UPP2: variants seen among roughly 807,000 people sequenced by gnomAD.
UPP2 encodes UPase 2.
A neutral mutation model predicts 26.7 loss-of-function variants in UPP2; 23 were observed. That is an observed-to-expected ratio of 0.86 (90% CI 0.62 to 1.22). The LOEUF is 1.22. Among genes scored for constraint, UPP2 ranks in the 50% most tolerant of loss-of-function variants. UPP2 has a pLI of 0.00. For synonymous variants in UPP2, 127 were observed against 141.3 expected (o/e 0.90, Z 0.72); for missense variants, 387 against 396.7 (o/e 0.98, Z 0.21).
intron 6 of UPP2, chr2:158,126,408 G>C (rs1039293371): frequency 2.6e-5 from 4 of 152,172 alleles, no homozygotes; most frequent in African/African-American, 9.7e-5. Context: ...AGTTGCATCT[G>C]CAGCTCTGTA....
chr2:158,051,157 A>ATGTGTGTGTGTGTGTGTGTGTG (rs57745839), intron 3 of UPP2, among the ~76,000 whole-genome samples: 3 of 144,986 alleles, frequency 2.1e-5, no homozygotes, highest in Non-Finnish European at 3.0e-5. Flanking sequence ...CTCTAGGAAT[A>ATGTGTGTGTGTGTGTGTGTGTG]TGTGTGTGTG....
intron 2 of UPP2, among the ~76,000 whole-genome samples, chr2:158,006,119 A>G (rs1319702132): frequency 6.6e-6 from 1 of 152,198 alleles, no homozygotes; most frequent in African/African-American, 2.4e-5. Flanking sequence ...ACACCATTTT[A>G]TGGCTAATAA....
intron 3 of UPP2, among the ~76,000 whole-genome samples, chr2:158,076,190 A>G (rs74493219): frequency 2.0e-5 from 3 of 152,022 alleles, no homozygotes; most frequent in Non-Finnish European, 4.4e-5. Context: ...AATTATCCCA[A>G]TAAAGAAAAG....
chr2:158,086,125 CT>C (rs1558925932), intron 3 of UPP2, among the ~76,000 whole-genome samples: 1 of 152,076 alleles, frequency 6.6e-6, no homozygotes, highest in Non-Finnish European at 1.5e-5. Context: ...GTGACTCCAT[CT>C]GATCCTGGAC....
At chr2:158,083,717 T>G (rs1179076431) in intron 3 of UPP2, among the ~76,000 whole-genome samples, 3 of 151,510 alleles carry the variant, frequency 2.0e-5, no homozygotes, top group African/African-American at 7.3e-5. Flanking sequence ...AAAAAAAATA[T>G]AATTGTCTCC....
At chr2:158,037,128 A>G (rs749824856) in intron 3 of UPP2, among the ~76,000 whole-genome samples, 11 of 152,048 alleles carry the variant, frequency 7.2e-5, no homozygotes, top group Non-Finnish European at 8.8e-5. Context: ...TAATCCCAGC[A>G]CTTTGGGAGG....
At chr2:158,003,470 G>C (rs1202649377) in intron 2 of UPP2, among the ~76,000 whole-genome samples, 1 of 152,166 alleles carries the variant, frequency 6.6e-6, no homozygotes, top group Non-Finnish European at 1.5e-5. Context: ...CACTTTAGGA[G>C]GCCAAGGTGG....
upstream of UPP2, among the ~76,000 whole-genome samples, chr2:158,098,806 T>C (rs7594090): frequency 0.026 from 3,962 of 152,320 alleles, 174 homozygotes; most frequent in African/African-American, 0.087. Context: ...TCCTCTGCTC[T>C]ATCTTCCAGG....
intron 5 of UPP2, 111 bp from the exon 6 acceptor site, chr2:158,123,638 G>T: frequency 7.7e-7 from 1 of 1,294,574 alleles, no homozygotes; most frequent in Non-Finnish European, 1.1e-6. Flanking sequence ...CGGGGAGCAC[G>T]CTGTAGAGTT....
At position 158,081,429 on chromosome 2, in the gene UPP2, A is replaced by G. The variant is rs1314330772; in HGVS notation, c.148-20611A>G. Among the ~76,000 whole-genome samples, 4 of 152,164 alleles carry G rather than the reference A, an allele frequency of 2.6e-5. No individual in the cohort carries two copies. In the East Asian group the frequency reaches 7.7e-4, roughly 29 times the overall value. Reference sequence around the variant, plus strand: ...ATGATAGTTCCTCAAAAAACTAAAAATAGATCTACCAAATGATGCAGCAAT... The same window carrying G: ...ATGATAGTTCCTCAAAAAACTAAAAGTAGATCTACCAAATGATGCAGCAAT... On this transcript the variant is annotated intron_variant, in intron 3 of 9. Coordinates refer to the UPP2 transcript ENST00000605860.
At chr2:158,056,080 C>A (rs1682241403) in intron 3 of UPP2, among the ~76,000 whole-genome samples, 1 of 152,072 alleles carries the variant, frequency 6.6e-6, no homozygotes, top group Admixed American at 6.5e-5. Flanking sequence ...GTTCCTGATT[C>A]TTTAAAATTA....
intron 3 of UPP2, among the ~76,000 whole-genome samples, chr2:158,018,001 A>T (rs1385781213): frequency 6.6e-6 from 1 of 152,224 alleles, no homozygotes; most frequent in East Asian, 1.9e-4. Flanking sequence ...TTAACACTGT[A>T]TGTGAAGCCT....
At chr2:158,054,536 T>C (rs370998490) in intron 3 of UPP2, among the ~76,000 whole-genome samples, 3 of 152,142 alleles carry the variant, frequency 2.0e-5, no homozygotes, top group Admixed American at 1.3e-4. Flanking sequence ...GTGCTGAAAT[T>C]TCTGTAGTGG....
intron 3 of UPP2, among the ~76,000 whole-genome samples, chr2:158,062,960 A>G (rs756835425): frequency 6.6e-6 from 1 of 152,168 alleles, no homozygotes; most frequent in African/African-American, 2.4e-5. Context: ...ATCCACTGTT[A>G]GGAAGTACCC....
intron 3 of UPP2, among the ~76,000 whole-genome samples, chr2:158,069,066 C>T (rs1682494932): frequency 6.6e-6 from 1 of 151,536 alleles, no homozygotes; most frequent in African/African-American, 2.4e-5. Flanking sequence ...CCACCTCGGC[C>T]TCCCAAAGTG....
At chr2:158,018,297 T>TGCTG (rs1683692866) in intron 3 of UPP2, among the ~76,000 whole-genome samples, 1 of 152,258 alleles carries the variant, frequency 6.6e-6, no homozygotes, top group Non-Finnish European at 1.5e-5. Flanking sequence ...AGAAGTCTTA[T>TGCTG]TAAGACGGTT....
At chr2:158,052,659 G>A (rs1156641587) in intron 3 of UPP2, among the ~76,000 whole-genome samples, 1 of 152,196 alleles carries the variant, frequency 6.6e-6, no homozygotes, top group Non-Finnish European at 1.5e-5. Flanking sequence ...GTCTTTATTT[G>A]TAGAATAGAA....
chr2:158,057,519 G>A (rs985260193), intron 3 of UPP2, among the ~76,000 whole-genome samples: 1 of 152,098 alleles, frequency 6.6e-6, no homozygotes, highest in Non-Finnish European at 1.5e-5. Flanking sequence ...CTTTGAGTTG[G>A]CATGTGTGTC....
intron 6 of UPP2, among the ~76,000 whole-genome samples, chr2:158,128,401 C>G (rs1358036091): frequency 6.6e-6 from 1 of 152,064 alleles, no homozygotes; most frequent in Admixed American, 6.6e-5. Context: ...AAAAAGATAC[C>G]ACAAGGATTA....
Sources: gnomAD v4.1 joint callset for allele counts (sites outside exome capture counted in the v4.1 genomes callset) on GRCh38, gnomAD v4.1.1 for gene constraint, MANE v1.5 for transcripts, NCBI Gene and HGNC (gene_info 2026-07-23, HGNC 2026-07-21) for gene names.